The following PRKCH variants were observed in gnomAD, a reference collection of about 807,000 sequenced individuals.
The protein encoded by PRKCH is protein kinase C eta.
In PRKCH, 28 loss-of-function variants were observed where a neutral mutation model predicts 82.5. The observed-to-expected ratio is 0.34, with a 90% CI of 0.25 to 0.47. PRKCH has a LOEUF of 0.47. PRKCH is among the 20% of genes least tolerant of loss of function. The pLI, the probability that PRKCH is intolerant of heterozygous loss-of-function variation, is 1.00. For synonymous variants in PRKCH, 322 were observed against 327.4 expected (o/e 0.98, Z 0.18); for missense variants, 705 against 881.8 (o/e 0.80, Z 2.54).
At chr14:61,535,236 A>T (rs750434142) in intron 12 of PRKCH, among the ~76,000 whole-genome samples, 3 of 152,214 alleles carry the variant, frequency 2.0e-5, no homozygotes, top group African/African-American at 7.2e-5. Context: ...GAATTCAGTG[A>T]TGAGTGAGGC....
At chr14:61,453,106 T>TA (rs1271003709) in intron 6 of PRKCH, 120 bp from the exon 7 acceptor site, 25 of 1,242,798 alleles carry the variant, frequency 2.0e-5, no homozygotes, top group Non-Finnish European at 2.9e-5. Flanking sequence ...GAGAAAATGA[T>TA]ACTGTTCAGC....
At chr14:61,330,405 G>C (rs1236703589) in intron 1 of PRKCH, among the ~76,000 whole-genome samples, 2 of 152,242 alleles carry the variant, frequency 1.3e-5, no homozygotes, top group African/African-American at 2.4e-5. Context: ...TCCATCTTTG[G>C]AAAGTTTGGG....
intron 10 of PRKCH, among the ~76,000 whole-genome samples, chr14:61,493,015 TG>T (rs1432845800): frequency 2.6e-5 from 4 of 152,214 alleles, no homozygotes; most frequent in Non-Finnish European, 5.9e-5. Flanking sequence ...ACAGGAACTT[TG>T]GTAGCACTGG....
rs566673750 is a variant in PRKCH at position 61,423,650 on chromosome 14, G to A, written c.428-19461G>A. Among the ~76,000 whole-genome samples, 11 of 152,244 alleles carry A rather than the reference G, an allele frequency of 7.2e-5. No homozygotes were observed. In the South Asian group the frequency reaches 2.3e-3, roughly 32 times the overall value. Reference sequence around the variant, plus strand: ...AATGGTGAGGGCATCAGTTTGACAGGAACATAGGTTTGTTTGTGTAGGGGA... The same window carrying A: ...AATGGTGAGGGCATCAGTTTGACAGAAACATAGGTTTGTTTGTGTAGGGGA... On this transcript the variant is annotated intron_variant, in intron 2 of 13. Transcript: ENST00000332981.
intron 12 of PRKCH, among the ~76,000 whole-genome samples, chr14:61,542,948 T>C (rs1436568296): frequency 1.3e-5 from 2 of 152,248 alleles, no homozygotes; most frequent in East Asian, 1.9e-4. Flanking sequence ...AATTCTCTCA[T>C]TGACTCATCA....
chr14:61,473,232 G>T (rs1004122438), intron 9 of PRKCH, among the ~76,000 whole-genome samples: 1 of 152,222 alleles, frequency 6.6e-6, no homozygotes, highest in South Asian at 2.1e-4. Flanking sequence ...GTTGGCGGCG[G>T]GGGTAGGGGG....
At chr14:61,517,595 A>G (rs1384931023) in intron 10 of PRKCH, among the ~76,000 whole-genome samples, 1 of 152,214 alleles carries the variant, frequency 6.6e-6, no homozygotes, top group Non-Finnish European at 1.5e-5. Flanking sequence ...GACAGTGCTG[A>G]TAATGGCTAG....
chr14:61,254,489 G>A (rs939956622), intron 1 of PRKCH, among the ~76,000 whole-genome samples: 1 of 152,078 alleles, frequency 6.6e-6, no homozygotes, highest in Non-Finnish European at 1.5e-5. Context: ...GGTGGTGTAA[G>A]CCTGTAGTCC....
chr14:61,393,927 G>T (rs2046727850), intron 2 of PRKCH, among the ~76,000 whole-genome samples: 1 of 152,198 alleles, frequency 6.6e-6, no homozygotes, highest in South Asian at 2.1e-4. Context: ...GTTTTTGGTT[G>T]TTCTCTCACA....
At chr14:61,198,843 C>A (rs1480123478) in intron 1 of PRKCH, among the ~76,000 whole-genome samples, 1 of 152,202 alleles carries the variant, frequency 6.6e-6, no homozygotes, top group Non-Finnish European at 1.5e-5. Flanking sequence ...CAGAAATAAA[C>A]AGATTTTCAC....
chr14:61,197,969 CAATAGAGTAGGTCA>C (rs1393940542), intron 1 of PRKCH, among the ~76,000 whole-genome samples: 1 of 152,032 alleles, frequency 6.6e-6, no homozygotes, highest in African/African-American at 2.4e-5. Flanking sequence ...TTCTTCTGAT[CAATAGAGTAGGTCA>C]TCAAAACTGG....
chr14:61,333,111 T>C (rs149022862), intron 1 of PRKCH, among the ~76,000 whole-genome samples: 1 of 152,382 alleles, frequency 6.6e-6, no homozygotes, highest in East Asian at 1.9e-4. Context: ...CATTTATTTA[T>C]TTGCAAGCTG....
At chr14:61,228,049 T>C (rs568208872) in intron 1 of PRKCH, among the ~76,000 whole-genome samples, 1 of 152,306 alleles carries the variant, frequency 6.6e-6, no homozygotes, top group South Asian at 2.1e-4. Flanking sequence ...AGTATCCATT[T>C]ACATTGTCCC....
At chr14:61,469,649 T>A (rs1038692373) in intron 9 of PRKCH, among the ~76,000 whole-genome samples, 4 of 152,210 alleles carry the variant, frequency 2.6e-5, no homozygotes, top group African/African-American at 9.7e-5. Context: ...CTGTAATATG[T>A]TCTAGTTTTT....
upstream of PRKCH, among the ~76,000 whole-genome samples, chr14:61,320,806 C>T (rs2045608618): frequency 6.6e-6 from 1 of 152,178 alleles, no homozygotes; most frequent in African/African-American, 2.4e-5. Context: ...CTGGAGTGTT[C>T]CTAGAAGAGG....
At chr14:61,230,554 A>G (rs1566788067) in intron 1 of PRKCH, among the ~76,000 whole-genome samples, 1 of 152,232 alleles carries the variant, frequency 6.6e-6, no homozygotes, top group Non-Finnish European at 1.5e-5. Context: ...AAAGGTGTAG[A>G]TAATGTATCA....
At chr14:61,481,718 AC>A (rs1261439472) in intron 9 of PRKCH, among the ~76,000 whole-genome samples, 1 of 152,126 alleles carries the variant, frequency 6.6e-6, no homozygotes, top group East Asian at 1.9e-4. Flanking sequence ...GACTTCTGTC[AC>A]TCTATAGCCA....
At chr14:61,299,289 G>T (rs2045430926) in intron 1 of PRKCH, among the ~76,000 whole-genome samples, 1 of 152,154 alleles carries the variant, frequency 6.6e-6, no homozygotes, top group South Asian at 2.1e-4. Context: ...GGGAGGGGCT[G>T]CATGCTCAGT....
chr14:61,340,063 C>G (rs1327440487), intron 1 of PRKCH, among the ~76,000 whole-genome samples: 1 of 151,836 alleles, frequency 6.6e-6, no homozygotes, highest in Non-Finnish European at 1.5e-5. Context: ...GCCCACTATC[C>G]TTTTGAGGTG....
Sources: allele counts gnomAD v4.1 joint callset (sites outside exome capture counted in the v4.1 genomes callset), GRCh38; gene constraint gnomAD v4.1.1; transcripts MANE v1.5; gene names NCBI Gene and HGNC (gene_info 2026-07-23, HGNC 2026-07-21).